Variants in TENM3 observed in about 807,000 individuals in gnomAD.
The protein encoded by TENM3 is teneurin transmembrane protein 3.
A neutral mutation model predicts 255.1 loss-of-function variants in TENM3; 63 were observed. The ratio of observed to expected loss-of-function variants is 0.25; its 90% CI spans 0.20 to 0.30. The LOEUF is 0.30. TENM3 is among the 10% of genes least tolerant of loss of function. The probability of loss-of-function intolerance (pLI) is 1.00; values close to 1 mark genes in which losing one functional copy is unlikely to be tolerated. For missense variants in TENM3, 2,929 were observed against 3,461.1 expected, an observed-to-expected ratio of 0.85 and a Z score of 3.86; for synonymous variants, 1,306 against 1,322.3, an observed-to-expected ratio of 0.99 and a Z score of 0.27.
chr4:182,707,971 A>G (rs923919622), intron 12 of TENM3: 1 of 149,142 alleles, frequency 6.7e-6, no homozygotes, highest in African/African-American at 2.5e-5. Context: ...AGTTTTTTCT[A>G]CTGGGGGGAA....
chr4:182,590,230 A>T (rs551576178), intron 3 of TENM3, among the ~76,000 whole-genome samples: 1 of 152,280 alleles, frequency 6.6e-6, no homozygotes, highest in East Asian at 1.9e-4. Context: ...TTGCAGTGAG[A>T]AAATTTTTAA....
intron 5 of TENM3, among the ~76,000 whole-genome samples, chr4:182,636,546 T>C (rs1435081834): frequency 6.6e-6 from 1 of 151,870 alleles, no homozygotes; most frequent in African/African-American, 2.4e-5. Flanking sequence ...TGAAACCCCA[T>C]CTCTACTAGA....
intron 3 of TENM3, among the ~76,000 whole-genome samples, chr4:182,562,721 A>T (rs1249514204): frequency 6.6e-6 from 1 of 152,014 alleles, no homozygotes; most frequent in Non-Finnish European, 1.5e-5. Context: ...ACCCTGATTC[A>T]TCTTTTGTTT....
intron 3 of TENM3, among the ~76,000 whole-genome samples, chr4:182,357,483 T>C (rs1765638479): frequency 6.6e-6 from 1 of 152,262 alleles, no homozygotes; most frequent in African/African-American, 2.4e-5. Flanking sequence ...GGTGGCATTT[T>C]TTCATGTGTT....
the TENM3 span, among the ~76,000 whole-genome samples, chr4:181,470,127 A>AAAAAAAAAAAAAAAAAAAAAAAAG: frequency 7.2e-6 from 1 of 138,958 alleles, no homozygotes; most frequent in African/African-American, 2.7e-5. Context: ...AAAAAAAAAC[A>AAAAAAAAAAAAAAAAAAAAAAAAG]TTATTCAAAA....
At chr4:182,396,346 G>A (rs1286909672) in intron 3 of TENM3, among the ~76,000 whole-genome samples, 3 of 152,262 alleles carry the variant, frequency 2.0e-5, no homozygotes, top group Non-Finnish European at 4.4e-5. Context: ...AGCCAGTCCT[G>A]ATGTCTTCCA....
In TENM3 at chr4:182,802,469, A is replaced by T. The variant is rs2152843808; in HGVS notation, c.*2118A>T. 6.5e-6 allele frequency: 1 copy of T among 152,756 alleles called. No homozygotes were observed. Among genetic ancestry groups the T allele is most frequent in the Non-Finnish European group, 1.5e-5 (1 of 68,042 alleles). The allele number at this position is 152,756 out of a possible 1,614,324, so 9.5% of individuals were successfully genotyped here. ...CATGCTGTAAGTACTTTTGGGTGAAATAGGCTCTGAGTCTAAATTCTCAGA... is the reference window on the plus strand; with the variant it reads ...CATGCTGTAAGTACTTTTGGGTGAATTAGGCTCTGAGTCTAAATTCTCAGA... On this transcript the variant is annotated 3_prime_UTR_variant, in exon 28 of 28. Transcript: ENST00000511685.
the TENM3 span, chr4:182,012,616 T>C: frequency 6.6e-6 from 1 of 152,176 alleles, no homozygotes; most frequent in African/African-American, 2.4e-5. Context: ...ATGTGGTGGA[T>C]AACACTTTTT....
At chr4:181,811,126 T>A in the TENM3 span, among the ~76,000 whole-genome samples, 2 of 152,196 alleles carry the variant, frequency 1.3e-5, no homozygotes, top group East Asian at 3.9e-4. Flanking sequence ...AAGCCAAGTG[T>A]CCTTCCTATA....
chr4:182,799,516 C>A lies in TENM3; in HGVS notation c.7345-80C>A. On this transcript the variant is annotated intron_variant, in intron 27 of 27. Coordinates refer to ENST00000511685, the MANE Select transcript of TENM3 (RefSeq NM_001080477.4). The surrounding 1 kb of genome is among the most constrained non-coding windows in gnomAD (Gnocchi z 4.2). ...CTTCCATGCATGCCCCGGCGCTGCC[C>A]CCAGAGTCCCGTGTGTGGGTCAGGA... is the stretch of plus-strand genomic sequence containing the variant. 1 of 1,490,578 alleles carries A rather than the reference C, an allele frequency of 6.7e-7. No individual in the cohort carries two copies. Among genetic ancestry groups the A allele is most frequent in the Non-Finnish European group, 8.9e-7 (1 of 1,129,774 alleles). 92.3% of individuals were successfully genotyped at this position (1,490,578 alleles called of 1,614,324 possible).
At chr4:182,523,800 C>T (rs981094296) in intron 3 of TENM3, among the ~76,000 whole-genome samples, 3 of 148,302 alleles carry the variant, frequency 2.0e-5, no homozygotes, top group Admixed American at 6.9e-5. Flanking sequence ...GAGTCAACTC[C>T]CCTTATTTTC....
In TENM3 at chr4:182,346,739, C is replaced by A. The variant is rs562570150; in HGVS notation, c.321C>A (p.His107Gln). The A allele has an allele frequency of 6.2e-7, 1 of 1,613,660 alleles. No homozygotes were observed. Among genetic ancestry groups the A allele is most frequent in the Non-Finnish European group, 8.5e-7 (1 of 1,179,768 alleles). The change falls in exon 3 of 28, where the codon CAC (histidine) becomes CAA (glutamine). Residue 107 changes from histidine (H) to glutamine (Q), a missense_variant. His to Gln is a conservative substitution (Grantham distance 24). Around this residue, in one of 6 missense-constraint regions of TENM3, gnomAD observed 283 missense variants for 256.9 expected, o/e 1.10. Coordinates refer to ENST00000511685, the MANE Select transcript of TENM3 (RefSeq NM_001080477.4). ...TTTGTGCGGAAATGGGGCTCCCTCA[C>A]AGAGGTTACTCTATCAGTGCAGGGT... ...LAFCAEMGLP[H>Q]RGYSISAGSD...
chr4:182,319,249 A>G (rs1006571134), intron 1 of TENM3, among the ~76,000 whole-genome samples: 5 of 152,236 alleles, frequency 3.3e-5, no homozygotes, highest in Non-Finnish European at 5.9e-5. Flanking sequence ...AGTCACTATC[A>G]AAGTGCTCTA....
chr4:181,881,713 AT>A, the TENM3 span, among the ~76,000 whole-genome samples: 1 of 152,180 alleles, frequency 6.6e-6, no homozygotes, highest in Non-Finnish European at 1.5e-5. Context: ...TTACAGAACT[AT>A]GACAGAGACA....
chr4:181,578,559 C>T, the TENM3 span, among the ~76,000 whole-genome samples: 2 of 152,158 alleles, frequency 1.3e-5, no homozygotes, highest in African/African-American at 4.8e-5. Context: ...GTGCTGAGAT[C>T]GGACTCTGCC....
intron 6 of TENM3, among the ~76,000 whole-genome samples, chr4:182,659,071 G>A (rs896964792): frequency 3.9e-5 from 6 of 152,198 alleles, no homozygotes; most frequent in African/African-American, 1.4e-4. Context: ...GATTCCTGGG[G>A]AGGGGAATTA....
At chr4:181,607,729 T>C in the TENM3 span, among the ~76,000 whole-genome samples, 43 of 152,268 alleles carry the variant, frequency 2.8e-4, no homozygotes, top group Middle Eastern at 3.4e-3. Flanking sequence ...TAGCCGCCTG[T>C]GGTCAGTGGC....
chr4:181,732,220 G>A, the TENM3 span, among the ~76,000 whole-genome samples: 2 of 152,174 alleles, frequency 1.3e-5, no homozygotes, highest in Non-Finnish European at 2.9e-5. Flanking sequence ...GAGCTAGAAG[G>A]ATAGATGCAT....
chr4:181,469,633 T>A, the TENM3 span, among the ~76,000 whole-genome samples: 1 of 151,954 alleles, frequency 6.6e-6, no homozygotes, highest in Non-Finnish European at 1.5e-5. Context: ...CATTTTGAAA[T>A]GTCTGTAGCC....
Sources: gnomAD v4.1 joint callset for allele counts (sites outside exome capture counted in the v4.1 genomes callset) on GRCh38, gnomAD v4.1.1 for gene constraint, gnomAD v4.1.1 regional missense constraint, Gnocchi (gnomAD v3.1) non-coding constraint, MANE v1.5 for transcripts, NCBI Gene and HGNC (gene_info 2026-07-23, HGNC 2026-07-21) for gene names.